CNTNAP5: variants seen among roughly 807,000 people sequenced by gnomAD.
CNTNAP5 encodes the protein contactin associated protein family member 5, also known as contactin-associated protein-like 5.
Under a neutral mutation model 150.2 loss-of-function variants are expected in CNTNAP5, and 72 were observed. That is an observed-to-expected ratio of 0.48 (90% CI 0.40 to 0.58). CNTNAP5 has a LOEUF of 0.58. Among genes scored for constraint, CNTNAP5 ranks in the 20% least tolerant of loss-of-function variants. The pLI, the probability that CNTNAP5 is intolerant of heterozygous loss-of-function variation, is 0.00. For missense variants in CNTNAP5, 1,636 were observed against 1,626.2 expected (o/e 1.01, Z -0.10); for synonymous variants, 672 against 619.8 (o/e 1.08, Z -1.25).
At chr2:124,109,604 G>A (rs990719296) in intron 1 of CNTNAP5, among the ~76,000 whole-genome samples, 2 of 152,258 alleles carry the variant, frequency 1.3e-5, no homozygotes, top group East Asian at 1.9e-4. Context: ...ACCAGAGACC[G>A]ATTTCCCTGC....
At chr2:124,357,960 G>C (rs1349997473) in intron 3 of CNTNAP5, among the ~76,000 whole-genome samples, 22 of 150,290 alleles carry the variant, frequency 1.5e-4, no homozygotes, top group African/African-American at 5.3e-4. Flanking sequence ...TCTTCCATTT[G>C]TTTGTATCCT....
intron 3 of CNTNAP5, among the ~76,000 whole-genome samples, chr2:124,327,507 A>G (rs1268276291): frequency 4.6e-5 from 7 of 152,114 alleles, no homozygotes; most frequent in Admixed American, 2.0e-4. Flanking sequence ...GGAAAAGCCA[A>G]CCAGCATTAA....
chr2:124,074,491 T>A, intron 1 of CNTNAP5, among the ~76,000 whole-genome samples: 1 of 152,168 alleles, frequency 6.6e-6, no homozygotes, highest in Middle Eastern at 3.4e-3. Context: ...CCACAAAAAT[T>A]AAAAAACCAT....
intron 16 of CNTNAP5, among the ~76,000 whole-genome samples, chr2:124,768,695 G>A (rs915750609): frequency 7.2e-5 from 11 of 152,174 alleles, no homozygotes; most frequent in Middle Eastern, 3.4e-3. Flanking sequence ...GGTTAGAATC[G>A]AGGACCCACC....
At chr2:124,751,813 G>A (rs1324440994) in intron 14 of CNTNAP5, among the ~76,000 whole-genome samples, 1 of 152,170 alleles carries the variant, frequency 6.6e-6, no homozygotes, top group African/African-American at 2.4e-5. Flanking sequence ...CTCCTAGATA[G>A]TATTGTCACT....
chr2:124,877,329 A>G (rs1304336061), intron 21 of CNTNAP5, among the ~76,000 whole-genome samples: 3 of 152,122 alleles, frequency 2.0e-5, no homozygotes, highest in Non-Finnish European at 4.4e-5. Flanking sequence ...CTAGTGACTA[A>G]AAAAATGAAT....
At chr2:124,894,030 T>C (rs1489665780) in intron 21 of CNTNAP5, among the ~76,000 whole-genome samples, 1 of 152,150 alleles carries the variant, frequency 6.6e-6, no homozygotes, top group Non-Finnish European at 1.5e-5. Flanking sequence ...TTATTACATA[T>C]GTGTTAAAAA....
rs1318253231 is a variant in CNTNAP5 at position 124,396,517 on chromosome 2, A to G, written c.382-20926A>G. On this transcript the variant is annotated intron_variant, in intron 3 of 23. Coordinates refer to ENST00000682447, the MANE Select transcript of CNTNAP5 (RefSeq NM_001367498.1). ...TGCTTTAATAAATACGTTGTAAAGA[A>G]CTGAAGTGAAATGCAGGCTACAACA... is the stretch of plus-strand genomic sequence containing the variant. Among the ~76,000 whole-genome samples the G allele has an allele frequency of 5.9e-5, 9 of 152,178 alleles. No homozygotes were observed. In the East Asian group the frequency reaches 1.5e-3, roughly 26 times the overall value.
chr2:124,752,793 C>T (rs1347430468), intron 14 of CNTNAP5, among the ~76,000 whole-genome samples: 3 of 152,142 alleles, frequency 2.0e-5, no homozygotes, highest in Non-Finnish European at 2.9e-5. Context: ...AGAAAGGAAA[C>T]TCTGGTGACA....
intron 13 of CNTNAP5, among the ~76,000 whole-genome samples, chr2:124,686,856 TC>T (rs1221686880): frequency 6.6e-6 from 1 of 152,118 alleles, no homozygotes; most frequent in Non-Finnish European, 1.5e-5. Flanking sequence ...TTTATTGACT[TC>T]CGATACAAGT....
intron 3 of CNTNAP5, among the ~76,000 whole-genome samples, chr2:124,352,038 T>C (rs1305467959): frequency 6.6e-6 from 1 of 152,092 alleles, no homozygotes; most frequent in Non-Finnish European, 1.5e-5. Context: ...GCTATAATAG[T>C]GGCGTGAAGC....
chr2:124,879,440 G>A (rs1446223770), intron 21 of CNTNAP5, among the ~76,000 whole-genome samples: 1 of 152,110 alleles, frequency 6.6e-6, no homozygotes, highest in African/African-American at 2.4e-5. Context: ...CCCAGACTTG[G>A]ATGAGTATCT....
intron 6 of CNTNAP5, among the ~76,000 whole-genome samples, chr2:124,461,142 A>G (rs996895334): frequency 2.6e-5 from 4 of 152,056 alleles, no homozygotes; most frequent in Non-Finnish European, 5.9e-5. Context: ...ATCTAGAACT[A>G]GAAATACCAT....
intron 1 of CNTNAP5, among the ~76,000 whole-genome samples, chr2:124,209,138 G>C (rs192767773): frequency 6.6e-6 from 1 of 152,264 alleles, no homozygotes; most frequent in East Asian, 1.9e-4. Context: ...TTCTGCCATA[G>C]CTTGCTCACT....
At chr2:124,176,842 G>GTTTTTTTTTTT (rs71394026) in intron 1 of CNTNAP5, among the ~76,000 whole-genome samples, 2,377 of 119,590 alleles carry the variant, frequency 0.02, 108 homozygotes, top group African/African-American at 0.024. Flanking sequence ...GTTATTGCTG[G>GTTTTTTTTTTT]TTTTTTTTTT....
At chr2:124,287,386 T>C (rs1176667988) in intron 3 of CNTNAP5, among the ~76,000 whole-genome samples, 1 of 152,184 alleles carries the variant, frequency 6.6e-6, no homozygotes, top group Admixed American at 6.6e-5. Flanking sequence ...CTCTTTGGCG[T>C]TGGAAACTTC....
At chr2:124,432,902 CCTAT>C (rs1037104621) in intron 4 of CNTNAP5, among the ~76,000 whole-genome samples, 5 of 152,184 alleles carry the variant, frequency 3.3e-5, no homozygotes, top group Admixed American at 3.3e-4. Context: ...TAATACCTCT[CCTAT>C]CTATTATTGA....
intron 3 of CNTNAP5, among the ~76,000 whole-genome samples, chr2:124,246,550 C>T (rs1239964110): frequency 6.6e-6 from 1 of 152,088 alleles, no homozygotes; most frequent in East Asian, 1.9e-4. Flanking sequence ...GCAACATGAG[C>T]CAATGCTTGG....
At chr2:124,865,742 G>A (rs776268074) in intron 20 of CNTNAP5, among the ~76,000 whole-genome samples, 3 of 151,954 alleles carry the variant, frequency 2.0e-5, no homozygotes, top group Non-Finnish European at 4.4e-5. Context: ...TCAGGAGTTC[G>A]AGACCAGCCT....
Sources: gnomAD v4.1 joint callset for allele counts (sites outside exome capture counted in the v4.1 genomes callset) on GRCh38, gnomAD v4.1.1 for gene constraint, MANE v1.5 for transcripts, NCBI Gene and HGNC (gene_info 2026-07-23, HGNC 2026-07-21) for gene names.